The following SNX13 variants were observed in gnomAD, a reference collection of about 807,000 sequenced individuals.
The protein encoded by SNX13 is sorting nexin-13.
In SNX13, 45 loss-of-function variants were observed where a neutral mutation model predicts 133.6. The observed-to-expected ratio is 0.34, with a 90% CI of 0.27 to 0.43. The LOEUF is 0.43. Among genes scored for constraint, SNX13 ranks in the 20% least tolerant of loss-of-function variants. SNX13 has a pLI of 1.00. For missense variants in SNX13, 1,032 were observed against 1,145.1 expected (o/e 0.90, Z 1.43); for synonymous variants, 414 against 373.9 (o/e 1.11, Z -1.24).
chr7:17,940,471 G>A lies in SNX13; in HGVS notation c.-176C>T, dbSNP rs1802727407. ...CCCCTCGGCCCGGTCGCTCGCGACG[G>A]ACGCGCCGCCATCTTGGAAGAGCGA... is the stretch of plus-strand genomic sequence containing the variant. On this transcript the variant is annotated 5_prime_UTR_variant, in exon 1 of 26. Coordinates refer to ENST00000428135, the MANE Select transcript of SNX13 (RefSeq NM_015132.5). 1.3e-6 allele frequency: 1 copy of A among 742,348 alleles called. No homozygotes were observed. The highest frequency in any genetic ancestry group is 2.0e-5 in the Admixed American group (1 of 49,990). The allele number at this position is 742,348 out of a possible 1,614,324, so 46.0% of individuals were successfully genotyped here.
At chr7:17,840,680 T>G (rs1407648723) in intron 12 of SNX13, among the ~76,000 whole-genome samples, 1 of 152,014 alleles carries the variant, frequency 6.6e-6, no homozygotes, top group Non-Finnish European at 1.5e-5. Context: ...AAGCTCTACC[T>G]CCATGGTTTC....
intron 4 of SNX13, 106 bp from the exon 5 acceptor site, chr7:17,890,590 T>C (rs1220727992): frequency 1.4e-6 from 1 of 702,582 alleles, no homozygotes; most frequent in African/African-American, 1.8e-5. Context: ...ATTTACTCTC[T>C]ACGTATTAAT....
intron 25 of SNX13, chr7:17,795,928 G>A (rs559962371): frequency 2.0e-5 from 3 of 151,580 alleles, no homozygotes; most frequent in Non-Finnish European, 4.4e-5. Flanking sequence ...TAATTTAATT[G>A]ACAGAAGAGA....
intron 1 of SNX13, among the ~76,000 whole-genome samples, chr7:17,909,137 T>C (rs1205221490): frequency 1.3e-5 from 2 of 151,544 alleles, no homozygotes; most frequent in Non-Finnish European, 2.9e-5. Flanking sequence ...CAAAAAAAAA[T>C]TAAAAAAAAC....
intron 17 of SNX13, among the ~76,000 whole-genome samples, chr7:17,823,901 A>T (rs1273109981): frequency 6.6e-6 from 1 of 152,204 alleles, no homozygotes; most frequent in African/African-American, 2.4e-5. Flanking sequence ...CAAGGAACAA[A>T]AAAGGAGAAG....
chr7:17,936,339 G>A (rs1211762838), intron 1 of SNX13, among the ~76,000 whole-genome samples: 1 of 152,128 alleles, frequency 6.6e-6, no homozygotes, highest in East Asian at 1.9e-4. Context: ...TATCAGATCT[G>A]TTAACTCTGA....
At chr7:17,829,699 T>C (rs574524291) in intron 16 of SNX13, among the ~76,000 whole-genome samples, 3 of 151,466 alleles carry the variant, frequency 2.0e-5, no homozygotes, top group South Asian at 2.1e-4. Flanking sequence ...TTAGTAATCA[T>C]AGTAATTTAA....
At chr7:17,879,519 A>G (rs1254126662) in intron 5 of SNX13, 9 of 152,256 alleles carry the variant, frequency 5.9e-5, no homozygotes, top group Admixed American at 5.9e-4. Flanking sequence ...TGGCAACAGG[A>G]GGCACAAACA....
In SNX13 at chr7:17,875,665, T is replaced by C. The variant is rs372759584; in HGVS notation, c.562+4A>G. 6.2e-7 allele frequency: 1 copy of C among 1,608,894 alleles called. No homozygotes were observed. Among genetic ancestry groups the C allele is most frequent in the African/African-American group, 1.3e-5 (1 of 74,688 alleles). Reference sequence around the variant, plus strand: ...CTAGTTTTCAAATGGAATAAAGATATTACCTTTCACTTGATCATCTTTCTC... The same window carrying C: ...CTAGTTTTCAAATGGAATAAAGATACTACCTTTCACTTGATCATCTTTCTC... On this transcript the variant is annotated splice_donor_region_variant and intron_variant, in intron 6 of 25. Coordinates refer to ENST00000428135, the MANE Select transcript of SNX13 (RefSeq NM_015132.5).
chr7:17,897,762 AAAGT>A (rs1797365415), intron 1 of SNX13: 1 of 171,094 alleles, frequency 5.8e-6, no homozygotes, highest in African/African-American at 2.4e-5. Context: ...GAAATACAAC[AAAGT>A]ATGTACAAAA....
intron 1 of SNX13, among the ~76,000 whole-genome samples, chr7:17,903,441 A>G (rs1798054096): frequency 6.6e-6 from 1 of 152,204 alleles, no homozygotes; most frequent in Non-Finnish European, 1.5e-5. Context: ...AGAAGGCAGC[A>G]GCATAGTGCT....
chr7:17,895,427 T>C (rs1055381304), intron 2 of SNX13, among the ~76,000 whole-genome samples: 5 of 152,156 alleles, frequency 3.3e-5, no homozygotes, highest in Non-Finnish European at 2.9e-5. Context: ...AATAAGGAGT[T>C]AACTTTGACT....
intron 21 of SNX13, among the ~76,000 whole-genome samples, chr7:17,802,873 G>A (rs142620865): frequency 1.8e-4 from 27 of 151,118 alleles, no homozygotes; most frequent in African/African-American, 6.0e-4. Flanking sequence ...GTACCTTTAT[G>A]TGTTAATGTA....
At chr7:17,848,886 C>T (rs1790872039) in intron 11 of SNX13, among the ~76,000 whole-genome samples, 1 of 152,214 alleles carries the variant, frequency 6.6e-6, no homozygotes, top group Non-Finnish European at 1.5e-5. Flanking sequence ...ATCACATGCT[C>T]AGGTTTTCCT....
At chr7:17,833,593 CAA>C (rs1298006365) in intron 15 of SNX13, among the ~76,000 whole-genome samples, 2 of 151,498 alleles carry the variant, frequency 1.3e-5, no homozygotes, top group African/African-American at 2.4e-5. Flanking sequence ...TTTTCTAGCT[CAA>C]AAGTCTCTCA....
intron 9 of SNX13, among the ~76,000 whole-genome samples, chr7:17,863,202 G>A (rs978305259): frequency 1.3e-5 from 2 of 151,988 alleles, no homozygotes; most frequent in Admixed American, 6.5e-5. Flanking sequence ...CTTCACTTGC[G>A]CTGACTGACA....
At chr7:17,935,690 A>T (rs1374006372) in intron 1 of SNX13, among the ~76,000 whole-genome samples, 5 of 152,208 alleles carry the variant, frequency 3.3e-5, no homozygotes, top group Admixed American at 1.3e-4. Flanking sequence ...AAAGATGCCA[A>T]GTAAGGCTGT....
At chr7:17,805,250 T>TGTGCGCGCGCGCGCGCGC in intron 20 of SNX13, among the ~76,000 whole-genome samples, 1 of 95,560 alleles carries the variant, frequency 1.0e-5, no homozygotes, top group Non-Finnish European at 2.5e-5. Flanking sequence ...TGTGTGTGTG[T>TGTGCGCGCGCGCGCGCGC]GCGTGCGCGC....
chr7:17,852,201 C>T (rs146577452), intron 9 of SNX13, among the ~76,000 whole-genome samples: 1 of 152,122 alleles, frequency 6.6e-6, no homozygotes, highest in Admixed American at 6.5e-5. Flanking sequence ...TGGTGAAACC[C>T]CGTCTCTACT....
Sources: gnomAD v4.1 joint callset for allele counts (sites outside exome capture counted in the v4.1 genomes callset) on GRCh38, gnomAD v4.1.1 for gene constraint, MANE v1.5 for transcripts, NCBI Gene and HGNC (gene_info 2026-07-23, HGNC 2026-07-21) for gene names.